EBPL: variants seen among roughly 807,000 people sequenced by gnomAD.
The protein encoded by EBPL is emopamil-binding protein-like.
Under a neutral mutation model 19.0 loss-of-function variants are expected in EBPL, and 20 were observed. The ratio of observed to expected loss-of-function variants is 1.05; its 90% CI spans 0.74 to 1.53. The LOEUF is 1.53. Ranked by LOEUF, EBPL falls within the 40% of genes most tolerant of loss-of-function variation. The pLI is 0.00. For missense variants in EBPL, 219 were observed against 261.1 expected (o/e 0.84, Z 1.11); for synonymous variants, 107 against 117.0 (o/e 0.91, Z 0.55).
chr13:49,686,719 A>T, intron 1 of EBPL: 1 of 924,936 alleles, frequency 1.1e-6, no homozygotes, highest in Non-Finnish European at 1.4e-6. Flanking sequence ...CTCAGAAAAG[A>T]ATTCCCAGCA....
intron 1 of EBPL, chr13:49,686,706 C>T (rs1181394527): frequency 9.4e-7 from 1 of 1,065,328 alleles, no homozygotes; most frequent in African/African-American, 1.7e-5. Context: ...CTATCTCCCC[C>T]AACTCAGAAA....
In EBPL at chr13:49,663,244, C is replaced by A. The variant is rs576964816; in HGVS notation, c.242-49G>T. 24 of 1,605,316 alleles carry A rather than the reference C, an allele frequency of 1.5e-5. No homozygotes were observed. The South Asian group carries it at 2.0e-4, about 13-fold the overall frequency. ...ACTCAAATGGCAACAATTTTTATGA[C>A]AGTTCATGGAAATGACCTTTCTTTC... is the stretch of plus-strand genomic sequence containing the variant. On this transcript the variant is annotated intron_variant, in intron 2 of 3. Coordinates refer to ENST00000242827, the MANE Select transcript of EBPL (RefSeq NM_032565.5).
chr13:49,667,217 G>A (rs1965241737), intron 2 of EBPL, among the ~76,000 whole-genome samples: 1 of 152,260 alleles, frequency 6.6e-6, no homozygotes, highest in Middle Eastern at 3.4e-3. Flanking sequence ...CCATCTCTTT[G>A]CTTATTAAAC....
At position 49,691,318 on chromosome 13, in the gene EBPL, T is replaced by C. The variant is rs1158638156; in HGVS notation, c.107A>G (p.Gln36Arg). The change falls in exon 1 of 4, where the codon CAG becomes CGG. Residue 36 changes from glutamine to arginine, a missense_variant. This residue lies in a region of EBPL where 170 missense variants were observed against 167.0 expected (regional missense o/e 1.02). Coordinates refer to ENST00000242827, the MANE Select transcript of EBPL (RefSeq NM_032565.5). The part of the protein sequence containing the change: ...CALGLRLGRG[Q>R]GAADRGALIW... ...GAGCGCCCCGCGGTCCGCCGCCCCC[T>C]GCCCGCGGCCCAGGCGCAGGCCCAG... The C allele has an allele frequency of 5.1e-6, 7 of 1,363,734 alleles. No homozygotes were observed. Among genetic ancestry groups the C allele is most frequent in the Non-Finnish European group, 6.6e-6 (7 of 1,054,600 alleles). The allele number at this position is 1,363,734 out of a possible 1,614,324, so 84.5% of individuals were successfully genotyped here.
intron 1 of EBPL, among the ~76,000 whole-genome samples, chr13:49,687,164 C>T (rs1017650583): frequency 1.1e-4 from 17 of 152,184 alleles, no homozygotes; most frequent in African/African-American, 3.9e-4. Flanking sequence ...ATTTTGCTGT[C>T]TTAGTTAACA....
At chr13:49,690,635 C>A (rs929970610) in intron 1 of EBPL, among the ~76,000 whole-genome samples, 5 of 152,148 alleles carry the variant, frequency 3.3e-5, no homozygotes, top group Admixed American at 6.5e-5. Flanking sequence ...AACTTGGGAG[C>A]CAGACTAGAC....
At chr13:49,666,728 A>C (rs796872785) in intron 2 of EBPL, among the ~76,000 whole-genome samples, 76 of 150,570 alleles carry the variant, frequency 5.0e-4, no homozygotes, top group Middle Eastern at 3.2e-3. Flanking sequence ...AAAAAAAAAA[A>C]AAAAAACAAA....
chr13:49,671,327 T>A (rs7329456), intron 1 of EBPL, among the ~76,000 whole-genome samples: 1 of 151,788 alleles, frequency 6.6e-6, no homozygotes, highest in African/African-American at 2.4e-5. Flanking sequence ...TTAGTAGAGA[T>A]GGGATTTCAC....
At chr13:49,679,568 C>T (rs1003556088) in intron 1 of EBPL, among the ~76,000 whole-genome samples, 13 of 152,304 alleles carry the variant, frequency 8.5e-5, no homozygotes, top group Non-Finnish European at 1.6e-4. Flanking sequence ...GGTGTTATCA[C>T]GGCTCACTGC....
intron 2 of EBPL, among the ~76,000 whole-genome samples, chr13:49,666,711 CAAAAAAAAAAAA>C (rs35086927): frequency 1.2e-5 from 1 of 81,016 alleles, no homozygotes; most frequent in Non-Finnish European, 2.2e-5. Flanking sequence ...GACTCCGTCT[CAAAAAAAAAAAA>C]AAAAAAAAAA....
At chr13:49,670,396 G>A (rs1953799282) in intron 1 of EBPL, among the ~76,000 whole-genome samples, 1 of 152,210 alleles carries the variant, frequency 6.6e-6, no homozygotes, top group Admixed American at 6.5e-5. Context: ...ATTACAGTTA[G>A]TATTTTCCCA....
At chr13:49,681,543 A>G (rs1953943320) in intron 1 of EBPL, among the ~76,000 whole-genome samples, 1 of 152,196 alleles carries the variant, frequency 6.6e-6, no homozygotes, top group South Asian at 2.1e-4. Context: ...TGCTCACCTC[A>G]GCCTCCCAAA....
At chr13:49,684,605 G>A (rs1337159381) in intron 1 of EBPL, among the ~76,000 whole-genome samples, 1 of 152,188 alleles carries the variant, frequency 6.6e-6, no homozygotes, top group African/African-American at 2.4e-5. Flanking sequence ...AACCCAGGAG[G>A]CAGAGGCTGT....
intron 1 of EBPL, among the ~76,000 whole-genome samples, chr13:49,679,835 C>A (rs1026066485): frequency 1.3e-5 from 2 of 152,064 alleles, no homozygotes; most frequent in Non-Finnish European, 2.9e-5. Flanking sequence ...TGGCTACTTT[C>A]ACCTCTCCGG....
At chr13:49,676,691 A>C (rs1334432194) in intron 1 of EBPL, among the ~76,000 whole-genome samples, 2 of 152,180 alleles carry the variant, frequency 1.3e-5, no homozygotes, top group African/African-American at 2.4e-5. Flanking sequence ...GGACAGTCTT[A>C]TCACTCACCA....
rs972293425 is a variant in EBPL, at chr13:49,668,340, G to A, written c.241+1437C>T. On this transcript the variant is annotated intron_variant, in intron 2 of 3. Coordinates refer to ENST00000242827, the MANE Select transcript of EBPL (RefSeq NM_032565.5). Reference sequence around the variant, plus strand: ...TATAACCCCAGCACTTTGGGAGGCCGAGGTGGGCAGATCACGAGGTCAGGA... The same window carrying A: ...TATAACCCCAGCACTTTGGGAGGCCAAGGTGGGCAGATCACGAGGTCAGGA... 5 of 218,522 alleles carry A rather than the reference G, an allele frequency of 2.3e-5. No homozygotes were observed. In the East Asian group the frequency reaches 6.7e-4, roughly 29 times the overall value. The allele number at this position is 218,522 out of a possible 1,614,324, so 13.5% of individuals were successfully genotyped here.
At chr13:49,662,080 A>C (rs1231938182) in intron 3 of EBPL, among the ~76,000 whole-genome samples, 1 of 151,964 alleles carries the variant, frequency 6.6e-6, no homozygotes, top group Admixed American at 6.6e-5. Flanking sequence ...TGCAACCTCC[A>C]CTTCCCAGGT....
intron 3 of EBPL, among the ~76,000 whole-genome samples, chr13:49,661,546 A>AT (rs1356528582): frequency 6.6e-6 from 1 of 152,234 alleles, no homozygotes; most frequent in African/African-American, 2.4e-5. Context: ...ACCATGAGCC[A>AT]TTATAAAAGG....
chr13:49,665,591 G>A (rs1056626386), intron 2 of EBPL, among the ~76,000 whole-genome samples: 16 of 152,094 alleles, frequency 1.1e-4, no homozygotes, highest in African/African-American at 3.1e-4. Context: ...ATTTTTGGTA[G>A]AGACAGGGTT....
Sources: allele counts gnomAD v4.1 joint callset (sites outside exome capture counted in the v4.1 genomes callset), GRCh38; gene constraint gnomAD v4.1.1; regional missense constraint gnomAD v4.1.1; transcripts MANE v1.5; gene names NCBI Gene and HGNC (gene_info 2026-07-23, HGNC 2026-07-21).